Variants in MRTFA observed in about 807,000 individuals in gnomAD.
The protein encoded by MRTFA is myocardin related transcription factor A, also known as myocardin-related transcription factor A.
Under a neutral mutation model 83.5 loss-of-function variants are expected in MRTFA, and 20 were observed. The observed-to-expected ratio is 0.24, with a 90% CI of 0.17 to 0.35. The LOEUF (loss-of-function observed/expected upper bound fraction) is 0.35. MRTFA is among the 10% of genes least tolerant of loss of function. The pLI, the probability that MRTFA is intolerant of heterozygous loss-of-function variation, is 1.00. For synonymous variants in MRTFA, 659 were observed against 541.2 expected (o/e 1.22, Z -3.02); for missense variants, 1,200 against 1,224.7 (o/e 0.98, Z 0.30).
At chr22:40,619,675 G>A (rs574806476) in intron 1 of MRTFA, among the ~76,000 whole-genome samples, 29 of 152,044 alleles carry the variant, frequency 1.9e-4, no homozygotes, top group Non-Finnish European at 3.8e-4. Context: ...GGATCACGAG[G>A]TCAGGAGATC....
At chr22:40,606,867 A>C (rs982253881) in intron 1 of MRTFA, among the ~76,000 whole-genome samples, 1 of 152,228 alleles carries the variant, frequency 6.6e-6, no homozygotes, top group Non-Finnish European at 1.5e-5. Flanking sequence ...TGGGGCTAGC[A>C]GCAGTGACTT....
At chr22:40,484,898 C>T (rs528846511) in intron 3 of MRTFA, among the ~76,000 whole-genome samples, 1 of 151,888 alleles carries the variant, frequency 6.6e-6, no homozygotes, top group South Asian at 2.1e-4. Flanking sequence ...TGGTGAAACC[C>T]CGTCTCTACT....
intron 3 of MRTFA, among the ~76,000 whole-genome samples, chr22:40,547,213 T>G (rs1310411389): frequency 3.3e-5 from 5 of 151,926 alleles, no homozygotes; most frequent in Non-Finnish European, 7.4e-5. Context: ...CCTATTATGA[T>G]CCAGGAGTTG....
intron 3 of MRTFA, among the ~76,000 whole-genome samples, chr22:40,537,012 T>G (rs1376033998): frequency 2.1e-4 from 8 of 37,462 alleles, no homozygotes; most frequent in East Asian, 1.3e-3. Context: ...GGGAGGGAGG[T>G]GGGGGGGGGT....
intron 3 of MRTFA, among the ~76,000 whole-genome samples, chr22:40,534,232 T>C (rs183837114): frequency 1.3e-5 from 2 of 152,344 alleles, no homozygotes; most frequent in East Asian, 1.9e-4. Context: ...GTGGTATTTA[T>C]AGATAACAGG....
In MRTFA at chr22:40,417,500, AGGAGAGCAG is replaced by A; in HGVS notation, c.2365-16_2365-8del. On this transcript the variant is annotated splice_polypyrimidine_tract_variant and splice_region_variant and intron_variant, in intron 12 of 14. Transcript: ENST00000355630. ...AGCCAGGCTGGGACGAGGGCTGGAC[AGGAGAGCAG>A]GGAGAGGACCAGTGGCCAGGGGGCT... The A allele has an allele frequency of 1.2e-5, 16 of 1,341,824 alleles. No individual in the cohort carries two copies. Among genetic ancestry groups the A allele is most frequent in the Non-Finnish European group, 1.6e-5 (16 of 1,019,848 alleles). 83.1% of individuals were successfully genotyped at this position (1,341,824 alleles called of 1,614,324 possible).
intron 2 of MRTFA, among the ~76,000 whole-genome samples, chr22:40,583,103 T>C (rs1416357268): frequency 1.3e-5 from 2 of 152,192 alleles, no homozygotes; most frequent in African/African-American, 4.8e-5. Context: ...AAGAGCTCTA[T>C]TACTAATATT....
chr22:40,411,395 A>G lies in MRTFA; in HGVS notation c.3091T>C (p.Leu1031=). ...CCCCGTCTTGAGCCAGAGAGCTACA[A>G]GCAGGAATCCCAGTGCAGCTGCAAA... Residue 1031 remains leucine (L), a synonymous_variant, in exon 15 of 15, where the codon TTG becomes CTG. Coordinates refer to ENST00000355630, the MANE Select transcript of MRTFA (RefSeq NM_020831.6). The G allele has an allele frequency of 6.4e-7, 1 of 1,553,684 alleles. No homozygotes were observed. Among genetic ancestry groups the G allele is most frequent in the Middle Eastern group, 1.7e-4 (1 of 5,784 alleles).
chr22:40,410,638 C>G lies in MRTFA; in HGVS notation c.*752G>C, dbSNP rs1186318820. The G allele has an allele frequency of 2.6e-5, 6 of 233,390 alleles. No homozygotes were observed. Among genetic ancestry groups the G allele is most frequent in the Non-Finnish European group, 5.1e-5 (6 of 117,950 alleles). The allele number at this position is 233,390 out of a possible 1,614,324, so 14.5% of individuals were successfully genotyped here. The stretch of plus-strand genomic sequence containing the variant: ...AGGCCGTGGCAGGGTACCTACATGT[C>G]AATCACACGTGATGGGTGGGCCTGG... On this transcript the variant is annotated 3_prime_UTR_variant, in exon 15 of 15. Coordinates refer to ENST00000355630, the MANE Select transcript of MRTFA (RefSeq NM_020831.6).
intron 3 of MRTFA, among the ~76,000 whole-genome samples, chr22:40,515,449 T>A (rs1454649706): frequency 1.3e-5 from 2 of 151,802 alleles, no homozygotes; most frequent in Admixed American, 1.3e-4. Context: ...ATCCCAGCGC[T>A]TTGGGAGGCC....
At chr22:40,423,488 C>A in intron 9 of MRTFA, 48 bp downstream of exon 9, 1 of 1,409,376 alleles carries the variant, frequency 7.1e-7, no homozygotes. Context: ...CAGCAGGACT[C>A]CAAAGGGCAC....
At chr22:40,573,133 G>A (rs2055820842) in intron 2 of MRTFA, among the ~76,000 whole-genome samples, 1 of 152,182 alleles carries the variant, frequency 6.6e-6, no homozygotes, top group Non-Finnish European at 1.5e-5. Context: ...AAAAGGGAGA[G>A]GGAAGGAGTA....
intron 4 of MRTFA, among the ~76,000 whole-genome samples, chr22:40,447,948 T>G (rs1312983575): frequency 5.9e-5 from 9 of 152,158 alleles, no homozygotes; most frequent in African/African-American, 7.2e-5. Context: ...ATTCCAACAC[T>G]TTGGGAGGCC....
rs541330313 is a variant in MRTFA at position 40,519,239 on chromosome 22, G to C, written c.241+32867C>G. Among the ~76,000 whole-genome samples, 18 of 152,226 alleles carry C rather than the reference G, an allele frequency of 1.2e-4. No homozygotes were observed. The South Asian group carries it at 3.5e-3, about 30-fold the overall frequency. On this transcript the variant is annotated intron_variant, in intron 3 of 14. Coordinates refer to ENST00000355630, the MANE Select transcript of MRTFA (RefSeq NM_020831.6). The stretch of plus-strand genomic sequence containing the variant: ...GAAAACTACCCCTGAGTTTAGGCTT[G>C]GTGGGACCCGAAAAATGAGTGAGGA...
chr22:40,576,863 C>A (rs568910573), intron 2 of MRTFA, among the ~76,000 whole-genome samples: 1 of 152,268 alleles, frequency 6.6e-6, no homozygotes, highest in East Asian at 1.9e-4. Context: ...GAATGATGGC[C>A]TGAGCCCAGG....
At chr22:40,559,386 C>T (rs1264532151) in intron 2 of MRTFA, among the ~76,000 whole-genome samples, 1 of 151,908 alleles carries the variant, frequency 6.6e-6, no homozygotes, top group African/African-American at 2.4e-5. Context: ...ATACCCATCC[C>T]AGGGAGGAAA....
intron 1 of MRTFA, among the ~76,000 whole-genome samples, chr22:40,613,926 G>A (rs189626184): frequency 1.2e-4 from 18 of 151,590 alleles, no homozygotes; most frequent in South Asian, 6.2e-4. Flanking sequence ...TAAGCCGGGC[G>A]TGGTGGCTCA....
Position 40,418,947 on chromosome 22 carries a change from G to C in MRTFA, c.1791C>G (p.Leu597=). 6.2e-7 allele frequency: 1 copy of C among 1,612,862 alleles called. No individual in the cohort carries two copies. Among genetic ancestry groups the C allele is most frequent in the Non-Finnish European group, 8.5e-7 (1 of 1,179,936 alleles). ...CGGCCCGGGGGCCCTCCTCCTTCACGAGGATCTGCAGTGGCGAGGCCTGCA... is the reference window on the plus strand; with the variant it reads ...CGGCCCGGGGGCCCTCCTCCTTCACCAGGATCTGCAGTGGCGAGGCCTGCA... Residue 597 remains leucine, a synonymous_variant, in exon 12 of 15, where the codon CTC becomes CTG. Coordinates refer to ENST00000355630, the MANE Select transcript of MRTFA (RefSeq NM_020831.6).
intron 2 of MRTFA, among the ~76,000 whole-genome samples, chr22:40,588,935 T>C (rs368426764): frequency 1.2e-4 from 18 of 152,118 alleles, no homozygotes; most frequent in African/African-American, 4.1e-4. Flanking sequence ...TGAGCTATGA[T>C]TGCGCCACTG....
Sources: gnomAD v4.1 joint callset for allele counts (sites outside exome capture counted in the v4.1 genomes callset) on GRCh38, gnomAD v4.1.1 for gene constraint, MANE v1.5 for transcripts, NCBI Gene and HGNC (gene_info 2026-07-23, HGNC 2026-07-21) for gene names.